Variants in ZCCHC4 observed in about 807,000 individuals in gnomAD.
ZCCHC4 encodes zinc finger CCHC-type containing 4.
ZCCHC4 carries 54 observed loss-of-function variants against 67.7 expected under a neutral mutation model. The observed-to-expected ratio is 0.80, with a 90% confidence interval of 0.64 to 1.00. The LOEUF is 1.00. Among genes scored for constraint, ZCCHC4 ranks in the 50% least tolerant of loss-of-function variants. The probability of loss-of-function intolerance (pLI) is 0.00; values close to 1 mark genes in which losing one functional copy is unlikely to be tolerated. For synonymous variants in ZCCHC4, 198 were observed against 213.5 expected, an observed-to-expected ratio of 0.93 and a Z score of 0.63; for missense variants, 609 against 617.0, an observed-to-expected ratio of 0.99 and a Z score of 0.14.
At chr4:25,368,597 T>C (rs978865813) in intron 12 of ZCCHC4, among the ~76,000 whole-genome samples, 6 of 152,196 alleles carry the variant, frequency 3.9e-5, no homozygotes, top group African/African-American at 1.4e-4. Flanking sequence ...GTTTTTTCCA[T>C]TGTGCTGTTT....
chr4:25,345,682 C>A, intron 6 of ZCCHC4, 62 bp downstream of exon 6: 1 of 1,085,776 alleles, frequency 9.2e-7, no homozygotes, highest in Non-Finnish European at 1.4e-6. Context: ...TTCAGAGTGC[C>A]TCCTTTGTTC....
Position 25,369,092 on chromosome 4 carries a change from A to G in ZCCHC4, c.1470A>G (p.Gln490=), listed in dbSNP as rs1721052593. 6.2e-7 allele frequency: 1 copy of G among 1,613,926 alleles called. No homozygotes were observed. The highest frequency in any genetic ancestry group is 1.3e-5 in the African/African-American group (1 of 74,942). ...TGAAAATGGAGACCACGAAAGGACA[A>G]TCCATGAATCATACATCTGCTACAA... ...NKMKMETTKG[Q]SMNHTSATRR... The change falls in exon 13 of 13, where the codon CAA becomes CAG. Residue 490 remains glutamine (Q), a synonymous_variant. Coordinates refer to ENST00000302874, the MANE Select transcript of ZCCHC4 (RefSeq NM_024936.3).
At chr4:25,333,642 A>G (rs1388798153) in intron 4 of ZCCHC4, among the ~76,000 whole-genome samples, 184 bp downstream of exon 4, 1 of 152,264 alleles carries the variant, frequency 6.6e-6, no homozygotes, top group Admixed American at 6.5e-5. Context: ...AAATCTTCAT[A>G]GATTTCTTTC....
intron 5 of ZCCHC4, among the ~76,000 whole-genome samples, chr4:25,340,946 A>C (rs997453917): frequency 4.6e-5 from 7 of 152,084 alleles, no homozygotes; most frequent in Admixed American, 3.3e-4. Context: ...CTCATTATGA[A>C]GATGAAGACC....
intron 3 of ZCCHC4, among the ~76,000 whole-genome samples, chr4:25,324,014 G>GTTTTTTTTTTTTTTGTTTTTTTTTTTTT (rs1718725775): frequency 1.2e-5 from 1 of 82,448 alleles, no homozygotes; most frequent in African/African-American, 5.2e-5. Context: ...TGTTTTTTGT[G>GTTTTTTTTTTTTTTGTTTTTTTTTTTTT]TTTTTTTTTT....
At position 25,325,484 on chromosome 4, in the gene ZCCHC4, G is replaced by A. The variant is rs144141907; in HGVS notation, c.330-7699G>A. ...TCACCATGTTGGCCAGGCTGATCTC[G>A]AACTCCTGACTTCAAGGGCTCTGCC... On this transcript the variant is annotated intron_variant, in intron 3 of 12. Coordinates refer to ENST00000302874, the MANE Select transcript of ZCCHC4 (RefSeq NM_024936.3). Among the ~76,000 whole-genome samples, 590 of 151,870 alleles carry A rather than the reference G, an allele frequency of 3.9e-3. 5 individuals carry two copies. Among genetic ancestry groups the A allele is most frequent in the African/African-American group, 0.013 (544 of 41,466 alleles).
intron 3 of ZCCHC4, among the ~76,000 whole-genome samples, chr4:25,322,563 G>A (rs915230041): frequency 1.3e-5 from 2 of 151,992 alleles, no homozygotes; most frequent in Admixed American, 6.6e-5. Context: ...CACCCAGGGT[G>A]GAGTGCAGTG....
intron 5 of ZCCHC4, among the ~76,000 whole-genome samples, chr4:25,342,563 T>C (rs778652711): frequency 2.0e-5 from 3 of 152,244 alleles, no homozygotes; most frequent in Non-Finnish European, 4.4e-5. Flanking sequence ...GTTCATTTCA[T>C]GAACTAATTT....
At position 25,349,715 on chromosome 4, in the gene ZCCHC4, G is replaced by A; in HGVS notation, c.910+73G>A. The A allele has an allele frequency of 4.0e-6, 6 of 1,488,598 alleles. No individual in the cohort carries two copies. In the South Asian group the frequency reaches 7.3e-5, roughly 18 times the overall value. The allele number at this position is 1,488,598 out of a possible 1,614,324, so 92.2% of individuals were successfully genotyped here. A position where few individuals can be genotyped will look rare whatever the true frequency, so the allele number is the denominator to read the frequency against. ...TCCTGTCAAATATTAGCTGAGCTCA[G>A]TGAATCAGAGCAGTGATAGAATATA... On this transcript the variant is annotated intron_variant, in intron 7 of 12. Transcript: ENST00000302874.
chr4:25,339,111 G>A (rs1272080383), intron 5 of ZCCHC4, among the ~76,000 whole-genome samples: 4 of 152,088 alleles, frequency 2.6e-5, no homozygotes, highest in African/African-American at 4.8e-5. Context: ...TATCCCTGGC[G>A]TTTCTTACTA....
intron 6 of ZCCHC4, among the ~76,000 whole-genome samples, chr4:25,347,630 T>C (rs1447619616): frequency 1.3e-5 from 2 of 152,208 alleles, no homozygotes; most frequent in South Asian, 2.1e-4. Context: ...AATCAATCAC[T>C]AAGTATTTAA....
intron 5 of ZCCHC4, among the ~76,000 whole-genome samples, chr4:25,339,752 T>C (rs1189919053): frequency 6.6e-6 from 1 of 152,226 alleles, no homozygotes; most frequent in African/African-American, 2.4e-5. Flanking sequence ...CTTCAGTTGC[T>C]TGTGTGTTAG....
intron 6 of ZCCHC4, 104 bp downstream of exon 6, chr4:25,345,724 G>A (rs1719978317): frequency 1.3e-6 from 1 of 744,614 alleles, no homozygotes; most frequent in Admixed American, 2.7e-5. Context: ...TCAAATTGTG[G>A]CTGTTCTACC....
intron 5 of ZCCHC4, among the ~76,000 whole-genome samples, chr4:25,344,627 ATAAAT>A (rs1405834180): frequency 1.3e-5 from 2 of 151,772 alleles, no homozygotes; most frequent in Non-Finnish European, 2.9e-5. Flanking sequence ...ATAAAATAAA[ATAAAT>A]AAAATAAAAT....
intron 10 of ZCCHC4, among the ~76,000 whole-genome samples, chr4:25,362,698 G>C (rs1488609134): frequency 6.6e-6 from 1 of 152,212 alleles, no homozygotes; most frequent in Non-Finnish European, 1.5e-5. Flanking sequence ...TAATATGCCA[G>C]ACACTTTCCT....
Position 25,322,309 on chromosome 4 carries a change from C to T in ZCCHC4, c.329+6909C>T, listed in dbSNP as rs565889890. Among the ~76,000 whole-genome samples the T allele has an allele frequency of 6.0e-4, 91 of 152,174 alleles. 4 individuals carry two copies. In the South Asian group the frequency reaches 0.016, roughly 27 times the overall value. On this transcript the variant is annotated intron_variant, in intron 3 of 12. Transcript: ENST00000302874. ...ACATTTTCATCACCTCAAAAGGAAA[C>T]CTCATGCCTGTCAGCAGTTACTCCC...
At chr4:25,344,516 G>A (rs1719904296) in intron 5 of ZCCHC4, among the ~76,000 whole-genome samples, 1 of 150,890 alleles carries the variant, frequency 6.6e-6, no homozygotes, top group Admixed American at 6.6e-5. Context: ...AATGCTAAAT[G>A]ATGAGTTAAT....
At position 25,315,345 on chromosome 4, in the gene ZCCHC4, G is replaced by A; in HGVS notation, c.274G>A (p.Glu92Lys). 6.2e-7 allele frequency: 1 copy of A among 1,613,020 alleles called. No homozygotes were observed. The highest frequency in any genetic ancestry group is 8.5e-7 in the Non-Finnish European group (1 of 1,179,360). ...GTCAGGAGCTAGACTTGCTGCCCGA[G>A]AAGCTCATAACCGAAGATGTCAGCC... ...KLSGARLAAR[E>K]AHNRRCQPPL... Residue 92 changes from glutamate to lysine, a missense_variant, in exon 3 of 13, where the codon GAA becomes AAA. Physicochemically the swap from Glu to Lys is moderately conservative, Grantham distance 56. Coordinates refer to ENST00000302874, the MANE Select transcript of ZCCHC4 (RefSeq NM_024936.3).
chr4:25,352,410 G>A (rs1182005317), intron 8 of ZCCHC4: 77 of 985,032 alleles, frequency 7.8e-5, no homozygotes, highest in Admixed American at 1.8e-4. Flanking sequence ...GGCAGGTACT[G>A]CTTCTTTTTT....
Sources: allele counts gnomAD v4.1 joint callset (sites outside exome capture counted in the v4.1 genomes callset), GRCh38; gene constraint gnomAD v4.1.1; transcripts MANE v1.5; gene names NCBI Gene and HGNC (gene_info 2026-07-23, HGNC 2026-07-21).